STX8: variants seen among roughly 807,000 people sequenced by gnomAD.
STX8 encodes syntaxin 8.
A neutral mutation model predicts 37.5 loss-of-function variants in STX8; 23 were observed. That is an observed-to-expected ratio of 0.61 (90% CI 0.44 to 0.87). The LOEUF is 0.87. Among genes scored for constraint, STX8 ranks in the 40% least tolerant of loss-of-function variants. The pLI, the probability that STX8 is intolerant of heterozygous loss-of-function variation, is 0.00. For synonymous variants in STX8, 115 were observed against 99.1 expected, an observed-to-expected ratio of 1.16 and a Z score of -0.95; for missense variants, 313 against 284.7, an observed-to-expected ratio of 1.10 and a Z score of -0.71.
At chr17:9,339,825 G>A (rs1549332) in intron 7 of STX8, among the ~76,000 whole-genome samples, 22,756 of 152,192 alleles carry the variant, frequency 0.15, 1,899 homozygotes, top group African/African-American at 0.21. Flanking sequence ...CGTAAGGACC[G>A]AAAGAGACAT....
chr17:9,293,759 A>G (rs1908405923), intron 7 of STX8, among the ~76,000 whole-genome samples: 1 of 149,220 alleles, frequency 6.7e-6, no homozygotes, highest in South Asian at 2.1e-4. Context: ...GTCACCATTT[A>G]TAGTACTTTT....
At chr17:9,280,475 C>A (rs1381987740) in intron 7 of STX8, among the ~76,000 whole-genome samples, 2 of 152,148 alleles carry the variant, frequency 1.3e-5, no homozygotes, top group African/African-American at 4.8e-5. Context: ...ATTACTTGAA[C>A]CTGGGAGGCT....
At chr17:9,308,201 C>T (rs912021691) in intron 7 of STX8, among the ~76,000 whole-genome samples, 3 of 152,156 alleles carry the variant, frequency 2.0e-5, no homozygotes, top group Non-Finnish European at 4.4e-5. Flanking sequence ...GGGGAAACCC[C>T]GCAGGACCTG....
intron 7 of STX8, among the ~76,000 whole-genome samples, chr17:9,305,041 G>GT (rs1908925684): frequency 6.6e-6 from 1 of 151,750 alleles, no homozygotes; most frequent in Admixed American, 6.6e-5. Flanking sequence ...GAACCATCCT[G>GT]TTTTTCACTT....
chr17:9,559,941 T>A (rs952896498), intron 2 of STX8, among the ~76,000 whole-genome samples: 17 of 148,510 alleles, frequency 1.1e-4, no homozygotes, highest in Non-Finnish European at 1.8e-4. Flanking sequence ...TTTGTATTTT[T>A]AGTAGAGACA....
At chr17:9,409,589 C>A (rs1567548069) in intron 6 of STX8, among the ~76,000 whole-genome samples, 1 of 152,158 alleles carries the variant, frequency 6.6e-6, no homozygotes, top group Non-Finnish European at 1.5e-5. Context: ...AAAGCCATTA[C>A]AAATTGGCAT....
intron 6 of STX8, chr17:9,467,026 G>A (rs1238416960): frequency 6.6e-6 from 1 of 152,186 alleles, no homozygotes; most frequent in Non-Finnish European, 1.5e-5. Flanking sequence ...GAGTAGCTGG[G>A]ATTACAGGTG....
At chr17:9,259,442 A>G (rs1303595711) in intron 7 of STX8, among the ~76,000 whole-genome samples, 2 of 152,170 alleles carry the variant, frequency 1.3e-5, no homozygotes, top group Non-Finnish European at 2.9e-5. Context: ...TCCAAAAGAG[A>G]AGGAAGAGTA....
intron 6 of STX8, among the ~76,000 whole-genome samples, chr17:9,462,478 T>C (rs543570039): frequency 6.6e-6 from 1 of 152,222 alleles, no homozygotes; most frequent in South Asian, 2.1e-4. Context: ...TCCAAGTACT[T>C]TGGGAGGCCG....
At chr17:9,574,986 C>T (rs994676547) in intron 1 of STX8, among the ~76,000 whole-genome samples, 2 of 152,114 alleles carry the variant, frequency 1.3e-5, no homozygotes, top group Non-Finnish European at 2.9e-5. Flanking sequence ...TTAGAAATAA[C>T]AACATAAGAC....
intron 6 of STX8, among the ~76,000 whole-genome samples, chr17:9,425,933 G>A (rs534273955): frequency 5.8e-4 from 88 of 152,184 alleles, no homozygotes; most frequent in African/African-American, 2.0e-3. Context: ...ACGTATGCAC[G>A]CGCACACACA....
intron 1 of STX8, among the ~76,000 whole-genome samples, chr17:9,571,130 C>G (rs928257680): frequency 8.5e-5 from 13 of 152,148 alleles, no homozygotes; most frequent in African/African-American, 3.1e-4. Flanking sequence ...CTTTTACACA[C>G]AGAGAGTGGC....
rs1276941518 is a variant in STX8 at position 9,404,988 on chromosome 17, T to A, written c.542-26335A>T. Among the ~76,000 whole-genome samples, 7 of 152,300 alleles carry A rather than the reference T, an allele frequency of 4.6e-5. No individual in the cohort carries two copies. In the East Asian group the frequency reaches 1.3e-3, roughly 29 times the overall value. Reference sequence around the variant, plus strand: ...ACCTCCACCCACATCCCCAATTTTTTTTTTTGGCCTCTCCACAGTCTCTCT... The same window carrying A: ...ACCTCCACCCACATCCCCAATTTTTATTTTTGGCCTCTCCACAGTCTCTCT... On this transcript the variant is annotated intron_variant, in intron 6 of 7. Transcript: ENST00000306357.
chr17:9,472,081 T>C (rs1905893010), intron 6 of STX8, among the ~76,000 whole-genome samples: 1 of 152,002 alleles, frequency 6.6e-6, no homozygotes, highest in Admixed American at 6.5e-5. Flanking sequence ...TTTTTTTTTT[T>C]TTTTTCAAAA....
intron 7 of STX8, among the ~76,000 whole-genome samples, chr17:9,322,207 G>A (rs1332889914): frequency 6.6e-6 from 1 of 152,246 alleles, no homozygotes; most frequent in African/African-American, 2.4e-5. Context: ...TAAATGGCGG[G>A]TTAGCGGTCA....
At chr17:9,568,615 C>T (rs751576142) in intron 1 of STX8, 145 bp from the exon 2 acceptor site, 1 of 571,174 alleles carries the variant, frequency 1.8e-6, no homozygotes, top group Non-Finnish European at 3.0e-6. Flanking sequence ...ATTCTCCTGC[C>T]TCAGCCTCCC....
intron 7 of STX8, among the ~76,000 whole-genome samples, chr17:9,350,466 A>AAGTT (rs1459386639): frequency 6.6e-6 from 1 of 152,042 alleles, no homozygotes; most frequent in African/African-American, 2.4e-5. Flanking sequence ...TTGACCCTAG[A>AAGTT]AGTTAGCATC....
At chr17:9,530,111 T>G (rs554679128) in intron 4 of STX8, among the ~76,000 whole-genome samples, 1 of 151,922 alleles carries the variant, frequency 6.6e-6, no homozygotes, top group Admixed American at 6.6e-5. Context: ...ATCGAGACCA[T>G]CCTGGCTAAC....
intron 4 of STX8, among the ~76,000 whole-genome samples, chr17:9,527,804 A>C (rs1303174619): frequency 2.0e-5 from 3 of 152,204 alleles, no homozygotes; most frequent in Non-Finnish European, 4.4e-5. Context: ...ACAACTTTTA[A>C]GAAAAAGACA....
Sources: gnomAD v4.1 joint callset for allele counts (sites outside exome capture counted in the v4.1 genomes callset) on GRCh38, gnomAD v4.1.1 for gene constraint, MANE v1.5 for transcripts, NCBI Gene and HGNC (gene_info 2026-07-23, HGNC 2026-07-21) for gene names.